The following AGAP1 variants were observed in gnomAD, a reference collection of about 807,000 sequenced individuals.
AGAP1 encodes ArfGAP with GTPase domain, ankyrin repeat and PH domain 1, also known as arf-GAP with GTPase, ANK repeat and PH domain-containing protein 1.
A neutral mutation model predicts 105.3 loss-of-function variants in AGAP1; 29 were observed. That is an observed-to-expected ratio of 0.28 (90% CI 0.21 to 0.38). The LOEUF (loss-of-function observed/expected upper bound fraction) is 0.38. Among genes scored for constraint, AGAP1 ranks in the 10% least tolerant of loss-of-function variants. The pLI is 1.00. For synonymous variants in AGAP1, 509 were observed against 485.9 expected (o/e 1.05, Z -0.63); for missense variants, 998 against 1,165.1 (o/e 0.86, Z 2.09).
rs544987690 is a variant in AGAP1 at position 236,046,399 on chromosome 2, C to T, written c.1892-2660C>T. Among the ~76,000 whole-genome samples, 15 of 152,218 alleles carry T rather than the reference C, an allele frequency of 9.9e-5. No individual in the cohort carries two copies. Among genetic ancestry groups the T allele is most frequent in the South Asian group, 4.1e-4 (2 of 4,822 alleles). On this transcript the variant is annotated intron_variant, in intron 15 of 17. Transcript: ENST00000304032. The surrounding 1 kb of genome is among the most constrained non-coding windows in gnomAD (Gnocchi z 5.2). ...ACAGGAGCCCCTTGCACCCCAGTTG[C>T]GATGCTGGTGAGGACGCCCATGGGA...
rs2054367129 is a variant in AGAP1 at position 235,965,867 on chromosome 2, A to G, written c.1484-2595A>G. ...GGAGAGGGAGGAATGAGTGGAAGTG[A>G]CCTGGCCAAGACACCTGAGGATGAA... is the stretch of plus-strand genomic sequence containing the variant. On this transcript the variant is annotated intron_variant, in intron 12 of 17. Transcript: ENST00000304032. This position sits in a 1 kb window ranked among gnomAD's most constrained non-coding sequence, Gnocchi z 5.8. 6.6e-6 allele frequency among the ~76,000 whole-genome samples: 1 copy of G among 152,176 alleles called. No homozygotes were observed. Among genetic ancestry groups the G allele is most frequent in the East Asian group, 1.9e-4 (1 of 5,192 alleles).
chr2:235,537,959 G>T (rs1010714102), intron 1 of AGAP1, among the ~76,000 whole-genome samples: 1 of 152,044 alleles, frequency 6.6e-6, no homozygotes, highest in Non-Finnish European at 1.5e-5. Flanking sequence ...CTGATATTTT[G>T]TACCAACCGT....
chr2:235,848,074 C>G (rs779963017), intron 9 of AGAP1, among the ~76,000 whole-genome samples: 1 of 152,162 alleles, frequency 6.6e-6, no homozygotes, highest in Non-Finnish European at 1.5e-5. Flanking sequence ...TTCTGGGTGC[C>G]CTAGACAGGG....
At chr2:235,702,743 G>A (rs1425284056) in intron 1 of AGAP1, among the ~76,000 whole-genome samples, 1 of 152,062 alleles carries the variant, frequency 6.6e-6, no homozygotes, top group Non-Finnish European at 1.5e-5. Flanking sequence ...GCACAGCAGC[G>A]AGTACAAGTA....
chr2:235,613,248 G>A (rs543388333), intron 1 of AGAP1, among the ~76,000 whole-genome samples: 61 of 152,172 alleles, frequency 4.0e-4, no homozygotes, highest in East Asian at 2.9e-3. Flanking sequence ...TGCCTGCCTC[G>A]GCTTCCAAAA....
In AGAP1 at chr2:235,622,088, T is replaced by C. The variant is rs1261085879; in HGVS notation, c.164-87091T>C. On this transcript the variant is annotated intron_variant, in intron 1 of 17. Transcript: ENST00000304032. The surrounding 1 kb of genome is among the most constrained non-coding windows in gnomAD (Gnocchi z 5.0). Reference sequence around the variant, plus strand: ...TTAGAATGCCTTAATCTTTTCTTGTTGTGTTTTGAATAGGTTACATGCAGA... The same window carrying C: ...TTAGAATGCCTTAATCTTTTCTTGTCGTGTTTTGAATAGGTTACATGCAGA... Among the ~76,000 whole-genome samples, 1 of 152,250 alleles carries C rather than the reference T, an allele frequency of 6.6e-6. No individual in the cohort carries two copies.
chr2:236,008,581 C>G (rs1403343344), intron 13 of AGAP1, among the ~76,000 whole-genome samples: 1 of 152,292 alleles, frequency 6.6e-6, no homozygotes, highest in Non-Finnish European at 1.5e-5. Flanking sequence ...CCTTGATCTC[C>G]ACTTCTGCGT....
At position 236,083,713 on chromosome 2, in the gene AGAP1, A is replaced by G. The variant is rs3768937; in HGVS notation, c.2114+34432A>G. On this transcript the variant is annotated intron_variant, in intron 16 of 17. Coordinates refer to ENST00000304032, the MANE Select transcript of AGAP1 (RefSeq NM_001037131.3). This position sits in a 1 kb window ranked among gnomAD's most constrained non-coding sequence, Gnocchi z 5.3. ...ATATATAGGAAGATTTTTTTTTAAT[A>G]CCTTAAAAATACTGCACATTAAGTC... Among the ~76,000 whole-genome samples the G allele has an allele frequency of 0.15, 23,475 of 152,092 alleles. 2,334 individuals are homozygous for G. Among genetic ancestry groups the G allele is most frequent in the African/African-American group, 0.28 (11,408 of 41,476 alleles).
At chr2:235,748,633 A>G (rs114237261) in intron 5 of AGAP1, among the ~76,000 whole-genome samples, 3,252 of 152,250 alleles carry the variant, frequency 0.021, 99 homozygotes, top group African/African-American at 0.067. Context: ...GCCCAACCCT[A>G]TTTCATAGGG....
chr2:235,655,285 C>T lies in AGAP1; in HGVS notation c.164-53894C>T, dbSNP rs998339768. 3.3e-5 allele frequency among the ~76,000 whole-genome samples: 5 copies of T among 152,226 alleles called. No individual in the cohort carries two copies. Among genetic ancestry groups the T allele is most frequent in the East Asian group, 1.9e-4 (1 of 5,174 alleles). On this transcript the variant is annotated intron_variant, in intron 1 of 17. Transcript: ENST00000304032. This position sits in a 1 kb window ranked among gnomAD's most constrained non-coding sequence, Gnocchi z 4.3. ...TTATTCCATTGGGATATCACAATTT[C>T]GTAGCCTGGTATATGCATTCCTTGT...
intron 12 of AGAP1, among the ~76,000 whole-genome samples, chr2:235,948,864 G>C (rs1409578564): frequency 6.6e-6 from 1 of 152,218 alleles, no homozygotes; most frequent in East Asian, 1.9e-4. Flanking sequence ...AGAGCAGCCA[G>C]GTATCAAATC....
chr2:235,589,189 GTTTTGTTTTTTTTTT>G (rs1364037857), intron 1 of AGAP1, among the ~76,000 whole-genome samples: 20 of 54,942 alleles, frequency 3.6e-4, no homozygotes, highest in East Asian at 3.2e-3. Flanking sequence ...ATAGCTTATT[GTTTTGTTTTTTTTTT>G]TTTTTTTTTT....
rs767689639 is a variant in AGAP1 at position 235,494,667 on chromosome 2, C to G, written c.-20C>G. The G allele has an allele frequency of 9.3e-7, 1 of 1,071,134 alleles. No homozygotes were observed. The highest frequency in any genetic ancestry group is 4.8e-4 in the Middle Eastern group (1 of 2,074). 66.4% of individuals were successfully genotyped at this position (1,071,134 alleles called of 1,614,324 possible). A position where few individuals can be genotyped will look rare whatever the true frequency, so the allele number is the denominator to read the frequency against. On this transcript the variant is annotated 5_prime_UTR_variant, in exon 1 of 18. Transcript: ENST00000304032. ...CGGCGGCGGCGGGGGGCGCGCGGCT[C>G]CGGGCGCGGCGCCTGCACCATGAAC...
At chr2:235,921,372 C>T (rs2052174733) in intron 11 of AGAP1, among the ~76,000 whole-genome samples, 1 of 152,108 alleles carries the variant, frequency 6.6e-6, no homozygotes, top group Non-Finnish European at 1.5e-5. Flanking sequence ...TGCATATGTT[C>T]AATAAAAAAT....
At position 236,111,703 on chromosome 2, in the gene AGAP1, G is replaced by C. The variant is rs557225819; in HGVS notation, c.2115-8489G>C. ...GCTACTTGGGAGGCTGAGTTGAGAG[G>C]ACTGCTTGAGCCCAGGAGTTCGAGG... On this transcript the variant is annotated intron_variant, in intron 16 of 17. Transcript: ENST00000304032. 5.3e-5 allele frequency among the ~76,000 whole-genome samples: 8 copies of C among 151,324 alleles called. No individual in the cohort carries two copies. The South Asian group carries it at 1.7e-3, about 32-fold the overall frequency.
chr2:235,758,381 T>C lies in AGAP1; in HGVS notation c.673+7893T>C, dbSNP rs573511813. Among the ~76,000 whole-genome samples the C allele has an allele frequency of 2.0e-5, 3 of 152,298 alleles. No individual in the cohort carries two copies. In the East Asian group the frequency reaches 5.8e-4, roughly 29 times the overall value. On this transcript the variant is annotated intron_variant, in intron 6 of 17. Transcript: ENST00000304032. Reference sequence around the variant, plus strand: ...GATCTTATTAGGCCCAGTTTACAGCTGGGACTACATTGTTGGAAATGCTGC... The same window carrying C: ...GATCTTATTAGGCCCAGTTTACAGCCGGGACTACATTGTTGGAAATGCTGC...
At chr2:235,702,652 A>G (rs1052356137) in intron 1 of AGAP1, among the ~76,000 whole-genome samples, 1 of 152,114 alleles carries the variant, frequency 6.6e-6, no homozygotes, top group Non-Finnish European at 1.5e-5. Flanking sequence ...GACTTTTTTC[A>G]TACACGTTTA....
rs979368625 is a variant in AGAP1 at position 236,073,854 on chromosome 2, C to G, written c.2114+24573C>G. Among the ~76,000 whole-genome samples, 5 of 152,156 alleles carry G rather than the reference C, an allele frequency of 3.3e-5. No individual in the cohort carries two copies. Among genetic ancestry groups the G allele is most frequent in the Non-Finnish European group, 4.4e-5 (3 of 68,024 alleles). On this transcript the variant is annotated intron_variant, in intron 16 of 17. Transcript: ENST00000304032. The surrounding 1 kb of genome is among the most constrained non-coding windows in gnomAD (Gnocchi z 5.4). The stretch of plus-strand genomic sequence containing the variant: ...AATCTGCAGGAGACCTGCAGCCCCC[C>G]ACCAGACCCCCAGAATCACACTATG...
chr2:235,852,582 T>G (rs2048518984), intron 9 of AGAP1: 1 of 1,124,220 alleles, frequency 8.9e-7, no homozygotes, highest in South Asian at 2.7e-5. Flanking sequence ...GAATAGAGAC[T>G]GCTGAAGTAA....
Sources: gnomAD v4.1 joint callset for allele counts (sites outside exome capture counted in the v4.1 genomes callset) on GRCh38, gnomAD v4.1.1 for gene constraint, Gnocchi (gnomAD v3.1) non-coding constraint, MANE v1.5 for transcripts, NCBI Gene and HGNC (gene_info 2026-07-23, HGNC 2026-07-21) for gene names.